Variants in H2BC18 observed in about 807,000 individuals in gnomAD.
The protein encoded by H2BC18 is H2B clustered histone 18, also known as histone H2B type 2-F.
A neutral mutation model predicts 6.3 loss-of-function variants in H2BC18; 8 were observed. The observed-to-expected ratio is 1.28, with a 90% CI of 0.75 to 2.31. The LOEUF is 2.31. Among genes scored for constraint, H2BC18 ranks in the 30% most tolerant of loss-of-function variants. The pLI, the probability that H2BC18 is intolerant of heterozygous loss-of-function variation, is 0.00. For missense variants in H2BC18, 106 were observed against 174.5 expected, an observed-to-expected ratio of 0.61 and a Z score of 2.21; for synonymous variants, 104 against 78.1, an observed-to-expected ratio of 1.33 and a Z score of -1.75.
intron 1 of H2BC18, among the ~76,000 whole-genome samples, chr1:149,793,454 AC>A (rs1451530525): frequency 6.6e-6 from 1 of 152,228 alleles, no homozygotes; most frequent in Admixed American, 6.5e-5. Context: ...ACAAGGGCCC[AC>A]GGCCCATCCT....
rs1281851811 is a variant in H2BC18 at position 149,793,018 on chromosome 1, C to T, written c.378-9758G>A. 24 of 1,264,384 alleles carry T rather than the reference C, an allele frequency of 1.9e-5. No individual in the cohort carries two copies. The South Asian group carries it at 2.5e-4, about 13-fold the overall frequency. The allele number at this position is 1,264,384 out of a possible 1,614,324, so 78.3% of individuals were successfully genotyped here. On this transcript the variant is annotated intron_variant, in intron 1 of 1. Transcript: ENST00000545683. ...GCGCGTAGCTGAGTCCCTCCAACCC[C>T]GCCCCGGGCCCGCCAGCTCCCGGGC...
Position 149,791,267 on chromosome 1 carries a change from A to T in H2BC18, c.378-8007T>A, listed in dbSNP as rs2091703990. On this transcript the variant is annotated intron_variant, in intron 1 of 1. Transcript: ENST00000545683. ...CAGTTACCAACTCCTGTCTGGTTTC[A>T]TGTCCTTTTCTATCTGGCAGTGGGA... 5 of 1,604,476 alleles carry T rather than the reference A, an allele frequency of 3.1e-6. No homozygotes were observed. In the East Asian group the frequency reaches 1.1e-4, roughly 36 times the overall value.
chr1:149,808,641 CT>C (rs1288869116), downstream of H2BC18, among the ~76,000 whole-genome samples: 1 of 152,330 alleles, frequency 6.6e-6, no homozygotes, highest in African/African-American at 2.4e-5. Context: ...ATAATACATA[CT>C]GAGAAAACAC....
intron 1 of H2BC18, chr1:149,786,741 T>C (rs587750450): frequency 6.6e-6 from 1 of 152,366 alleles, no homozygotes; most frequent in South Asian, 2.1e-4. Context: ...CATTTAAGTT[T>C]AAAAACTCAT....
At chr1:149,793,096 G>A in intron 1 of H2BC18, 1 of 1,274,280 alleles carries the variant, frequency 7.8e-7, no homozygotes, top group Non-Finnish European at 1.0e-6. Context: ...CTGCCGCCAA[G>A]CCCCGGGGAT....
chr1:149,792,739 G>A lies in H2BC18; in HGVS notation c.378-9479C>T, dbSNP rs1359191610. On this transcript the variant is annotated intron_variant, in intron 1 of 1. Coordinates refer to the H2BC18 transcript ENST00000545683. The stretch of plus-strand genomic sequence containing the variant: ...CGCTTCTCCGCAGCTCCGCGCCCCC[G>A]CCAAAACCCAGTGAGAAATTATTTG... The A allele has an allele frequency of 1.1e-4, 143 of 1,283,792 alleles. 8 individuals are homozygous for A. The highest frequency in any genetic ancestry group is 1.3e-4 in the Non-Finnish European group (128 of 986,664). The allele number at this position is 1,283,792 out of a possible 1,614,324, so 79.5% of individuals were successfully genotyped here.
chr1:149,796,354 G>A (rs1553752774), intron 1 of H2BC18, among the ~76,000 whole-genome samples: 1 of 152,136 alleles, frequency 6.6e-6, no homozygotes, highest in African/African-American at 2.4e-5. Context: ...AGGGATTCTC[G>A]AGAAGTAAAT....
Position 149,796,508 on chromosome 1 carries a change from G to A in H2BC18, c.378-13248C>T, listed in dbSNP as rs587615898. ...GAAGGGCAGAAAAATACTTCGAAGA[G>A]GAGAAATGAGCATTTATATAGGTTT... On this transcript the variant is annotated intron_variant, in intron 1 of 1. Transcript: ENST00000545683. Among the ~76,000 whole-genome samples, 12 of 152,302 alleles carry A rather than the reference G, an allele frequency of 7.9e-5. No individual in the cohort carries two copies. In the East Asian group the frequency reaches 2.1e-3, roughly 27 times the overall value.
At position 149,785,104 on chromosome 1, in the gene H2BC18, G is replaced by A. The variant is rs1419074034; in HGVS notation, c.378-1844C>T. ...GAGTTTCTATTCATCAAGAGATGGA[G>A]ACTGCAATATTCTTCAGGGAAAAAT... On this transcript the variant is annotated intron_variant, in intron 1 of 1. Coordinates refer to the H2BC18 transcript ENST00000545683. 7.2e-5 allele frequency among the ~76,000 whole-genome samples: 11 copies of A among 152,330 alleles called. No homozygotes were observed. In the South Asian group the frequency reaches 2.3e-3, roughly 32 times the overall value.
intron 1 of H2BC18, chr1:149,784,338 G>T: frequency 6.2e-7 from 1 of 1,611,610 alleles, no homozygotes; most frequent in Non-Finnish European, 8.5e-7. Context: ...CCAGATGTGT[G>T]TGTGTCGATT....
At chr1:149,797,745 GCAC>G (rs1368446594) in intron 1 of H2BC18, among the ~76,000 whole-genome samples, 2 of 152,158 alleles carry the variant, frequency 1.3e-5, no homozygotes, top group Non-Finnish European at 2.9e-5. Context: ...CTATAGGCGT[GCAC>G]CACGACATCC....
chr1:149,782,754 T>C, exon 2 of H2BC18: 1 of 1,597,522 alleles, frequency 6.3e-7, no homozygotes, highest in Non-Finnish European at 8.5e-7. Flanking sequence ...ATGTGGTTCT[T>C]GACAACTCTG....
intron 1 of H2BC18, among the ~76,000 whole-genome samples, chr1:149,806,050 A>G (rs1180390522): frequency 6.6e-6 from 1 of 152,134 alleles, no homozygotes; most frequent in Non-Finnish European, 1.5e-5. Context: ...CAACACATAC[A>G]TATTCTTTTT....
intron 1 of H2BC18, among the ~76,000 whole-genome samples, chr1:149,784,975 C>T (rs1262199629): frequency 6.6e-6 from 1 of 151,948 alleles, no homozygotes; most frequent in East Asian, 1.9e-4. Context: ...ATTCCGGGGG[C>T]ACATTTCATA....
chr1:149,789,393 A>AGAT (rs1553751360), intron 1 of H2BC18, among the ~76,000 whole-genome samples: 3 of 148,782 alleles, frequency 2.0e-5, no homozygotes, highest in African/African-American at 7.6e-5. Context: ...ACTACGTCTC[A>AGAT]AATAATAATA....
intron 1 of H2BC18, among the ~76,000 whole-genome samples, chr1:149,785,271 T>G (rs2091510653): frequency 6.6e-6 from 1 of 152,146 alleles, no homozygotes; most frequent in South Asian, 2.1e-4. Flanking sequence ...ACATGGTTGC[T>G]GTTAGAGGAA....
chr1:149,802,326 C>T (rs1553753457), intron 1 of H2BC18, among the ~76,000 whole-genome samples: 1 of 152,190 alleles, frequency 6.6e-6, no homozygotes, highest in African/African-American at 2.4e-5. Flanking sequence ...TTTGCTGGAA[C>T]TAATCCTATG....
chr1:149,811,473 A>C (rs1255272959), downstream of H2BC18: 1 of 175,724 alleles, frequency 5.7e-6, no homozygotes, highest in Non-Finnish European at 1.2e-5. Flanking sequence ...CTGTAGGTAT[A>C]TGGTAAGGAA....
At position 149,811,985 on chromosome 1, in the gene H2BC18, G is replaced by A. The variant is rs781972291; in HGVS notation, c.339C>T (p.Ser113=). ...ACTTGGTGACCGCCTTGGTGCCCTC[G>A]GACACGGCGTGCTTGGCCAGCTCGC... ...LPGELAKHAV[S]EGTKAVTKYT... The change falls in exon 1 of 1, where the codon TCC becomes TCT. Residue 113 remains serine, a synonymous_variant. Coordinates refer to ENST00000369167, the MANE Select transcript of H2BC18 (RefSeq NM_001024599.5). The A allele has an allele frequency of 8.1e-6, 13 of 1,613,846 alleles. No homozygotes were observed. Among genetic ancestry groups the A allele is most frequent in the Admixed American group, 3.3e-5 (2 of 59,980 alleles).
Sources: allele counts gnomAD v4.1 joint callset (sites outside exome capture counted in the v4.1 genomes callset), GRCh38; gene constraint gnomAD v4.1.1; transcripts MANE v1.5; gene names NCBI Gene and HGNC (gene_info 2026-07-23, HGNC 2026-07-21).